The following RNF38 variants were observed in gnomAD, a reference collection of about 807,000 sequenced individuals.
RNF38 encodes the protein E3 ubiquitin-protein ligase RNF38.
In RNF38, 15 loss-of-function variants were observed where a neutral mutation model predicts 67.2. The observed-to-expected ratio is 0.22, with a 90% CI of 0.15 to 0.34. The LOEUF is 0.34. Among genes scored for constraint, RNF38 ranks in the 10% least tolerant of loss-of-function variants. RNF38 has a pLI of 1.00. For synonymous variants in RNF38, 220 were observed against 218.8 expected (o/e 1.01, Z -0.05); for missense variants, 524 against 639.9 (o/e 0.82, Z 1.95).
chr9:36,348,203 C>T lies in RNF38; in HGVS notation c.1263+2912G>A, dbSNP rs150336561. 2.0e-3 allele frequency among the ~76,000 whole-genome samples: 306 copies of T among 151,774 alleles called. 3 individuals are homozygous for T. The highest frequency in any genetic ancestry group is 1.0e-4 in the Non-Finnish European group (7 of 67,944). On this transcript the variant is annotated intron_variant, in intron 9 of 11. Coordinates refer to ENST00000259605, the MANE Select transcript of RNF38 (RefSeq NM_022781.5). ...ATGTTCTAAAGGCAAAGGCAAAGTT[C>T]GAATAGAAAAAGTGCCATTCTCATT...
upstream of RNF38, chr9:36,400,670 G>A: frequency 7.1e-6 from 7 of 985,762 alleles, no homozygotes; most frequent in Non-Finnish European, 8.4e-6. Context: ...GCCGTCCGCG[G>A]GCCTCCTCAC....
At chr9:36,383,485 C>T (rs1000948847) in intron 2 of RNF38, among the ~76,000 whole-genome samples, 1 of 152,160 alleles carries the variant, frequency 6.6e-6, no homozygotes, top group Non-Finnish European at 1.5e-5. Flanking sequence ...CCACCACGGC[C>T]GGCCTAAATG....
chr9:36,391,682 G>A (rs969195807), intron 1 of RNF38, among the ~76,000 whole-genome samples: 9 of 146,896 alleles, frequency 6.1e-5, no homozygotes, highest in African/African-American at 2.3e-4. Context: ...GTGCCATCTC[G>A]GCTCACTGCA....
intron 1 of RNF38, among the ~76,000 whole-genome samples, chr9:36,438,797 G>A (rs897921168): frequency 6.6e-6 from 1 of 152,130 alleles, no homozygotes; most frequent in South Asian, 2.1e-4. Context: ...CCCCTGCTCG[G>A]GAAGAGATGT....
rs1465901045 is a variant in RNF38 at position 36,353,223 on chromosome 9, G to C, written c.1018C>G (p.Pro340Ala). Reference protein sequence around the residue: ...AHPPTLPPSAPLQFLTHDPLH... With the variant: ...AHPPTLPPSAALQFLTHDPLH... Reference sequence around the variant, plus strand: ...GGATCATGTGTTAAGAACTGCAAGGGAGCTGATGGAGGTAATGTTGGGGGG... The same window carrying C: ...GGATCATGTGTTAAGAACTGCAAGGCAGCTGATGGAGGTAATGTTGGGGGG... Residue 340 changes from proline (P) to alanine (A), a missense_variant, in exon 7 of 12, where the codon CCC (proline) becomes GCC (alanine). Physicochemically the swap from Pro to Ala is conservative, Grantham distance 27. Transcript: ENST00000259605. 1 of 1,613,884 alleles carries C rather than the reference G, an allele frequency of 6.2e-7. No individual in the cohort carries two copies. Among genetic ancestry groups the C allele is most frequent in the Admixed American group, 1.7e-5 (1 of 59,978 alleles).
chr9:36,454,787 T>C (rs1162539109), intron 1 of RNF38, among the ~76,000 whole-genome samples: 1 of 151,982 alleles, frequency 6.6e-6, no homozygotes, highest in Non-Finnish European at 1.5e-5. Flanking sequence ...TTTCACCATG[T>C]TGGCCAGGCT....
intron 1 of RNF38, among the ~76,000 whole-genome samples, chr9:36,469,592 T>C (rs1218811450): frequency 6.6e-6 from 1 of 151,098 alleles, no homozygotes; most frequent in Non-Finnish European, 1.5e-5. Flanking sequence ...ACCCGGGAGG[T>C]GGAGGTTGTG....
upstream of RNF38, chr9:36,401,174 CTT>C: frequency 1.0e-6 from 1 of 984,520 alleles, no homozygotes; most frequent in Non-Finnish European, 1.2e-6. Context: ...GCCGAACCCC[CTT>C]TGTTTCCACC....
intron 3 of RNF38, among the ~76,000 whole-genome samples, chr9:36,371,166 C>T (rs1835352064): frequency 6.6e-6 from 1 of 152,088 alleles, no homozygotes; most frequent in South Asian, 2.1e-4. Context: ...GTCATTTTAG[C>T]AACTTTCTTT....
At chr9:36,468,845 G>A (rs760052094) in intron 1 of RNF38, among the ~76,000 whole-genome samples, 44 of 152,064 alleles carry the variant, frequency 2.9e-4, no homozygotes, top group Non-Finnish European at 3.8e-4. Context: ...CAGGCACAGT[G>A]GTTCACACCT....
intron 1 of RNF38, among the ~76,000 whole-genome samples, chr9:36,454,359 C>T (rs941079337): frequency 7.9e-5 from 12 of 151,908 alleles, no homozygotes; most frequent in Non-Finnish European, 1.6e-4. Flanking sequence ...GAACTACTGA[C>T]CTCAAGTAAT....
At chr9:36,422,625 A>G (rs1276044652) in intron 2 of RNF38, among the ~76,000 whole-genome samples, 1 of 152,236 alleles carries the variant, frequency 6.6e-6, no homozygotes, top group African/African-American at 2.4e-5. Context: ...CTAAATACAT[A>G]GTCAAGAGAC....
chr9:36,464,755 CTAAA>C (rs774383464), intron 1 of RNF38, among the ~76,000 whole-genome samples: 2 of 152,000 alleles, frequency 1.3e-5, no homozygotes, highest in Non-Finnish European at 2.9e-5. Flanking sequence ...ACAGATAAAT[CTAAA>C]TAACTGTGAT....
intron 1 of RNF38, among the ~76,000 whole-genome samples, chr9:36,473,026 G>A (rs1840032483): frequency 6.6e-6 from 1 of 152,172 alleles, no homozygotes; most frequent in East Asian, 1.9e-4. Context: ...CAGCTACTCG[G>A]GAGGCTGAGG....
At chr9:36,360,358 T>C (rs143351158) in intron 4 of RNF38, among the ~76,000 whole-genome samples, 1 of 152,320 alleles carries the variant, frequency 6.6e-6, no homozygotes, top group African/African-American at 2.4e-5. Flanking sequence ...TTTTAAATTC[T>C]GGTATTTTTA....
intron 1 of RNF38, among the ~76,000 whole-genome samples, chr9:36,468,147 T>C (rs934869671): frequency 2.7e-5 from 4 of 146,908 alleles, no homozygotes; most frequent in African/African-American, 5.1e-5. Flanking sequence ...GAGGCTGAGG[T>C]GGGAAGACTG....
At chr9:36,366,243 C>A (rs1162477632) in intron 4 of RNF38, among the ~76,000 whole-genome samples, 23 of 152,054 alleles carry the variant, frequency 1.5e-4, no homozygotes, top group Admixed American at 1.5e-3. Context: ...GCCACAACAG[C>A]ATTATTATAT....
At chr9:36,386,957 C>T (rs1836687590) in intron 2 of RNF38, among the ~76,000 whole-genome samples, 1 of 152,168 alleles carries the variant, frequency 6.6e-6, no homozygotes, top group African/African-American at 2.4e-5. Flanking sequence ...TGCGCACCAC[C>T]ACGCCTGGTT....
rs567878665 is a variant in RNF38, at chr9:36,477,995, TCAAAAAA to T, written n.241+9306_241+9312del. ...GTGGGCAACAAAGCAAGACCTTGTCTCAAAAAACAAAAAACAAACAAACAGAAAACAG... is the reference window on the plus strand; with the variant it reads ...GTGGGCAACAAAGCAAGACCTTGTCTCAAAAAACAAACAAACAGAAAACAG... On this transcript the variant is annotated intron_variant and non_coding_transcript_variant, in intron 1 of 3. Coordinates refer to the RNF38 transcript ENST00000488058. Among the ~76,000 whole-genome samples, 112 of 148,350 alleles carry T rather than the reference TCAAAAAA, an allele frequency of 7.5e-4. 2 individuals carry two copies. In the South Asian group the frequency reaches 0.022, roughly 30 times the overall value.
Sources: allele counts gnomAD v4.1 joint callset (sites outside exome capture counted in the v4.1 genomes callset), GRCh38; gene constraint gnomAD v4.1.1; transcripts MANE v1.5; gene names NCBI Gene and HGNC (gene_info 2026-07-23, HGNC 2026-07-21).